The following BORCS5 variants were observed in gnomAD, a reference collection of about 807,000 sequenced individuals.
The protein encoded by BORCS5 is BLOC-1 related complex subunit 5.
A neutral mutation model predicts 22.1 loss-of-function variants in BORCS5; 17 were observed. The observed-to-expected ratio is 0.77, with a 90% CI of 0.53 to 1.15. BORCS5 has a LOEUF of 1.15. Ranked by LOEUF, BORCS5 falls within the 50% of genes most tolerant of loss-of-function variation. The pLI is 0.00. For missense variants in BORCS5, 247 were observed against 253.2 expected, an observed-to-expected ratio of 0.98 and a Z score of 0.17; for synonymous variants, 117 against 99.8, an observed-to-expected ratio of 1.17 and a Z score of -1.03.
chr12:12,441,759 C>T (rs181929855), intron 3 of BORCS5, among the ~76,000 whole-genome samples: 1 of 151,910 alleles, frequency 6.6e-6, no homozygotes, highest in East Asian at 1.9e-4. Flanking sequence ...TCCTTCAAAC[C>T]CTGCAGGATT....
intron 3 of BORCS5, among the ~76,000 whole-genome samples, chr12:12,458,578 C>CT (rs57810545): frequency 0.012 from 1,691 of 139,600 alleles, 12 homozygotes; most frequent in Non-Finnish European, 0.019. Flanking sequence ...CTTTTCTTTC[C>CT]TTTTTTTTTT....
intron 2 of BORCS5, among the ~76,000 whole-genome samples, chr12:12,400,896 A>G (rs983825735): frequency 2.0e-5 from 3 of 152,180 alleles, no homozygotes; most frequent in Non-Finnish European, 4.4e-5. Context: ...TTGACTTTAT[A>G]TAAGTTGTGT....
intron 3 of BORCS5, among the ~76,000 whole-genome samples, chr12:12,455,804 A>G (rs1200226488): frequency 1.3e-5 from 2 of 149,582 alleles, no homozygotes; most frequent in Non-Finnish European, 3.0e-5. Flanking sequence ...AGCAGTCTTG[A>G]TTAAGTCCAT....
intron 2 of BORCS5, among the ~76,000 whole-genome samples, chr12:12,426,134 AC>A (rs1942282149): frequency 6.6e-6 from 1 of 152,158 alleles, no homozygotes; most frequent in South Asian, 2.1e-4. Context: ...CTGACTCCAA[AC>A]TTTTTCATTA....
chr12:12,470,252 T>C lies in BORCS5; in HGVS notation c.*4476T>C, dbSNP rs956668561. Reference sequence around the variant, plus strand: ...CACCCGGCTAATTTTTTATTTTTAGTAGAGATGGGGTTTCACCATGTTGGC... The same window carrying C: ...CACCCGGCTAATTTTTTATTTTTAGCAGAGATGGGGTTTCACCATGTTGGC... On this transcript the variant is annotated 3_prime_UTR_variant, in exon 4 of 4. Coordinates refer to ENST00000314565, the MANE Select transcript of BORCS5 (RefSeq NM_058169.6). Among the ~76,000 whole-genome samples the C allele has an allele frequency of 1.3e-5, 2 of 152,158 alleles. No individual in the cohort carries two copies.
chr12:12,365,529 C>G (rs1033773237), intron 2 of BORCS5, among the ~76,000 whole-genome samples: 72 of 151,854 alleles, frequency 4.7e-4, no homozygotes, highest in African/African-American at 1.6e-3. Flanking sequence ...TCATCCCCCC[C>G]ACCCCAACCC....
At chr12:12,435,035 T>C (rs1033061842) in intron 2 of BORCS5, among the ~76,000 whole-genome samples, 5 of 152,256 alleles carry the variant, frequency 3.3e-5, no homozygotes, top group African/African-American at 1.2e-4. Context: ...GGGAGATTAA[T>C]GGTTACCTGG....
At chr12:12,409,893 T>C (rs1454959790) in intron 2 of BORCS5, among the ~76,000 whole-genome samples, 12 of 152,214 alleles carry the variant, frequency 7.9e-5, no homozygotes, top group African/African-American at 2.9e-4. Flanking sequence ...CAGCACCTGT[T>C]GTTTCCTGAC....
At chr12:12,398,444 C>T (rs1272524065) in intron 2 of BORCS5, among the ~76,000 whole-genome samples, 2 of 152,094 alleles carry the variant, frequency 1.3e-5, no homozygotes, top group Non-Finnish European at 2.9e-5. Context: ...TTTGTTTTGT[C>T]AGGAAAAATC....
At position 12,357,139 on chromosome 12, in the gene BORCS5, C is replaced by T. The variant is rs1191605289; in HGVS notation, c.-313C>T. On this transcript the variant is annotated 5_prime_UTR_variant, in exon 1 of 4. Transcript: ENST00000314565. ...AACCAGTGAGTGAAAGCGGCGCCGC[C>T]CGCCGGCCGCAGGTGCGGCAAAGCC... The T allele has an allele frequency of 3.3e-6, 5 of 1,533,540 alleles. No homozygotes were observed. Among genetic ancestry groups the T allele is most frequent in the East Asian group, 2.4e-5 (1 of 40,870 alleles). The allele number at this position is 1,533,540 out of a possible 1,614,324, so 95.0% of individuals were successfully genotyped here. A position where few individuals can be genotyped will look rare whatever the true frequency, so the allele number is the denominator to read the frequency against.
rs1435131960 is a variant in BORCS5 at position 12,435,731 on chromosome 12, G to A, written c.306G>A (p.Gln102=). Residue 102 remains glutamine, a synonymous_variant, in exon 3 of 4, where the codon CAG becomes CAA. Coordinates refer to ENST00000314565, the MANE Select transcript of BORCS5 (RefSeq NM_058169.6). ...LCLRYQDHLH[Q]CAEAVAFDQN... is the part of the protein sequence containing the mutation. ...TCCGATATCAAGATCACCTGCATCA[G>A]TGTGCAGAGGCCGTTGCTTTTGACC... 1.2e-6 allele frequency: 2 copies of A among 1,613,962 alleles called. No individual in the cohort carries two copies. The highest frequency in any genetic ancestry group is 2.7e-5 in the African/African-American group (2 of 74,942).
intron 2 of BORCS5, among the ~76,000 whole-genome samples, chr12:12,426,177 A>G (rs935238302): frequency 6.6e-6 from 1 of 152,060 alleles, no homozygotes; most frequent in African/African-American, 2.4e-5. Context: ...TAGTCTGGTA[A>G]GTTCAAACAG....
rs532917882 is a variant in BORCS5 at position 12,470,361 on chromosome 12, C to T, written c.*4585C>T. Among the ~76,000 whole-genome samples the T allele has an allele frequency of 3.3e-5, 5 of 152,204 alleles. No homozygotes were observed. Among genetic ancestry groups the T allele is most frequent in the Non-Finnish European group, 7.3e-5 (5 of 68,046 alleles). ...GGGATTACAGGCGTGAGCCACTGCA[C>T]CTGGCCAGCTTCGTGTGTATTTATA... is the stretch of plus-strand genomic sequence containing the variant. On this transcript the variant is annotated 3_prime_UTR_variant, in exon 4 of 4. Transcript: ENST00000314565.
At chr12:12,395,218 G>A (rs963581819) in intron 2 of BORCS5, among the ~76,000 whole-genome samples, 1 of 151,374 alleles carries the variant, frequency 6.6e-6, no homozygotes, top group Non-Finnish European at 1.5e-5. Context: ...ATCACTCTGT[G>A]ACCAAAGAGA....
intron 2 of BORCS5, among the ~76,000 whole-genome samples, chr12:12,402,647 T>C (rs1941504667): frequency 6.6e-6 from 1 of 152,258 alleles, no homozygotes; most frequent in South Asian, 2.1e-4. Context: ...TGCTCTGTTA[T>C]GGAACATCTT....
chr12:12,405,422 A>G (rs370537078), intron 2 of BORCS5, among the ~76,000 whole-genome samples: 1 of 152,206 alleles, frequency 6.6e-6, no homozygotes, highest in African/African-American at 2.4e-5. Context: ...TATTTCTGTC[A>G]CCAAAAATCA....
At chr12:12,382,237 G>A (rs1409053964) in intron 2 of BORCS5, among the ~76,000 whole-genome samples, 2 of 151,288 alleles carry the variant, frequency 1.3e-5, no homozygotes, top group African/African-American at 4.9e-5. Flanking sequence ...TTCAATCATG[G>A]AGGAAGGTGA....
chr12:12,368,868 A>G (rs930259794), intron 2 of BORCS5, among the ~76,000 whole-genome samples: 1 of 152,064 alleles, frequency 6.6e-6, no homozygotes, highest in African/African-American at 2.4e-5. Flanking sequence ...TTATTCAACA[A>G]ACACTGGATC....
chr12:12,432,304 C>T (rs1369886166), intron 2 of BORCS5, among the ~76,000 whole-genome samples: 2 of 152,114 alleles, frequency 1.3e-5, no homozygotes, highest in Non-Finnish European at 2.9e-5. Flanking sequence ...CTTTCAATTT[C>T]GGATTGACAG....
Sources: allele counts gnomAD v4.1 joint callset (sites outside exome capture counted in the v4.1 genomes callset), GRCh38; gene constraint gnomAD v4.1.1; transcripts MANE v1.5; gene names NCBI Gene and HGNC (gene_info 2026-07-23, HGNC 2026-07-21).